Variants in TEC observed in about 807,000 individuals in gnomAD.
TEC encodes tec protein tyrosine kinase.
A neutral mutation model predicts 93.0 loss-of-function variants in TEC; 72 were observed. The ratio of observed to expected loss-of-function variants is 0.77; its 90% CI spans 0.64 to 0.94. TEC has a LOEUF of 0.94. Among genes scored for constraint, TEC ranks in the 40% least tolerant of loss-of-function variants. The pLI is 0.00. For synonymous variants in TEC, 249 were observed against 247.7 expected, an observed-to-expected ratio of 1.01 and a Z score of -0.05; for missense variants, 630 against 757.9, an observed-to-expected ratio of 0.83 and a Z score of 1.98.
chr4:48,261,169 A>G (rs1264658107), intron 1 of TEC, among the ~76,000 whole-genome samples: 1 of 152,170 alleles, frequency 6.6e-6, no homozygotes, highest in East Asian at 1.9e-4. Context: ...ATTTCATGCA[A>G]TGCTTCTATA....
At chr4:48,170,617 G>A (rs183364113) in intron 4 of TEC, among the ~76,000 whole-genome samples, 9 of 152,282 alleles carry the variant, frequency 5.9e-5, no homozygotes, top group African/African-American at 2.2e-4. Flanking sequence ...ATGGATAAAT[G>A]CAAAAGTCAA....
intron 1 of TEC, among the ~76,000 whole-genome samples, chr4:48,265,757 C>T (rs1178040128): frequency 6.6e-6 from 1 of 152,082 alleles, no homozygotes; most frequent in Non-Finnish European, 1.5e-5. Context: ...AGGTGATCGG[C>T]CTGCCTTGGC....
intron 1 of TEC, among the ~76,000 whole-genome samples, chr4:48,240,997 T>C (rs1204943240): frequency 1.3e-5 from 2 of 152,080 alleles, no homozygotes; most frequent in African/African-American, 4.8e-5. Context: ...ATAGAAAACA[T>C]TCTCATAGAT....
At chr4:48,181,816 T>C (rs1475854916) in intron 2 of TEC, among the ~76,000 whole-genome samples, 4 of 152,180 alleles carry the variant, frequency 2.6e-5, no homozygotes, top group Non-Finnish European at 5.9e-5. Context: ...CATGCCAGCT[T>C]TTTAAAGCTT....
intron 2 of TEC, among the ~76,000 whole-genome samples, chr4:48,203,901 G>A (rs926240618): frequency 2.0e-5 from 3 of 152,214 alleles, no homozygotes; most frequent in Admixed American, 2.0e-4. Context: ...GGGAGGAGCT[G>A]AGTATCCATG....
intron 1 of TEC, among the ~76,000 whole-genome samples, chr4:48,261,147 T>C (rs80036731): frequency 0.012 from 1,862 of 152,274 alleles, 37 homozygotes; most frequent in African/African-American, 0.042. Context: ...CCAGAACTTA[T>C]GAACAAGAAT....
intron 2 of TEC, among the ~76,000 whole-genome samples, chr4:48,215,663 T>C (rs1723053194): frequency 6.6e-6 from 1 of 152,196 alleles, no homozygotes; most frequent in South Asian, 2.1e-4. Context: ...CAGCTTACAA[T>C]GGGTTTATCA....
At chr4:48,169,510 A>G (rs1721014613) in intron 5 of TEC, among the ~76,000 whole-genome samples, 1 of 152,144 alleles carries the variant, frequency 6.6e-6, no homozygotes, top group Admixed American at 6.6e-5. Context: ...TGGACTGAGA[A>G]GGTCATCTGA....
At chr4:48,231,558 C>T (rs912502350) in intron 1 of TEC, among the ~76,000 whole-genome samples, 2 of 152,048 alleles carry the variant, frequency 1.3e-5, no homozygotes, top group African/African-American at 4.8e-5. Flanking sequence ...AGATCAAGAT[C>T]ATCCTGGCTA....
chr4:48,236,519 T>A (rs1316712630), intron 1 of TEC, among the ~76,000 whole-genome samples: 3 of 152,196 alleles, frequency 2.0e-5, no homozygotes, highest in Non-Finnish European at 4.4e-5. Flanking sequence ...CCTGACCTCG[T>A]GATCCACCCG....
chr4:48,188,223 A>T (rs918345860), intron 2 of TEC, among the ~76,000 whole-genome samples: 1 of 152,180 alleles, frequency 6.6e-6, no homozygotes, highest in Admixed American at 6.5e-5. Flanking sequence ...CACCATGTAG[A>T]AGGCAGTTAT....
chr4:48,235,024 G>A (rs1339022454), intron 1 of TEC, among the ~76,000 whole-genome samples: 1 of 151,876 alleles, frequency 6.6e-6, no homozygotes, highest in Non-Finnish European at 1.5e-5. Flanking sequence ...CACTGGGCCA[G>A]GGCAGAACCA....
At chr4:48,183,556 G>T (rs1189845174) in intron 2 of TEC, among the ~76,000 whole-genome samples, 1 of 152,292 alleles carries the variant, frequency 6.6e-6, no homozygotes, top group East Asian at 1.9e-4. Flanking sequence ...CTTAAAGCTG[G>T]GATGTCCATC....
chr4:48,172,435 C>CTTTTTTTTTTTTT, intron 3 of TEC, among the ~76,000 whole-genome samples: 1 of 146,854 alleles, frequency 6.8e-6, no homozygotes. Context: ...AAGGAATGTA[C>CTTTTTTTTTTTTT]TTTTTTTTTT....
chr4:48,238,062 A>C (rs907293717), intron 1 of TEC, among the ~76,000 whole-genome samples: 3 of 152,224 alleles, frequency 2.0e-5, no homozygotes, highest in African/African-American at 7.2e-5. Context: ...TAAAGCCCCA[A>C]ATTTCTTTTG....
intron 8 of TEC, among the ~76,000 whole-genome samples, chr4:48,161,195 AAG>A (rs1720641990): frequency 6.6e-6 from 1 of 152,168 alleles, no homozygotes; most frequent in Non-Finnish European, 1.5e-5. Flanking sequence ...AAAAGAAGAC[AAG>A]AGGTAGAACA....
At chr4:48,141,568 A>G (rs1187142799) in intron 14 of TEC, 149 bp from the exon 15 acceptor site, 2 of 647,956 alleles carry the variant, frequency 3.1e-6, no homozygotes, top group South Asian at 2.4e-5. Context: ...TTTTACCCCT[A>G]TGGAAGTATT....
At chr4:48,144,047 A>G (rs1448553927) in intron 14 of TEC, among the ~76,000 whole-genome samples, 1 of 152,014 alleles carries the variant, frequency 6.6e-6, no homozygotes, top group Non-Finnish European at 1.5e-5. Context: ...CAACACGGTG[A>G]AACCCCATCT....
intron 8 of TEC, among the ~76,000 whole-genome samples, chr4:48,162,838 G>A (rs1048035748): frequency 6.6e-5 from 10 of 152,124 alleles, no homozygotes; most frequent in Admixed American, 2.0e-4. Context: ...AGCGTTCAAT[G>A]TATATGAGCC....
Sources: allele counts gnomAD v4.1 joint callset (sites outside exome capture counted in the v4.1 genomes callset), GRCh38; gene constraint gnomAD v4.1.1; transcripts MANE v1.5; gene names NCBI Gene and HGNC (gene_info 2026-07-23, HGNC 2026-07-21).